CEP78: variants seen among roughly 807,000 people sequenced by gnomAD.
The protein encoded by CEP78 is centrosomal protein of 78 kDa.
A neutral mutation model predicts 81.2 loss-of-function variants in CEP78; 76 were observed. That is an observed-to-expected ratio of 0.94 (90% CI 0.78 to 1.13). CEP78 has a LOEUF of 1.13. Among genes scored for constraint, CEP78 ranks in the 50% most tolerant of loss-of-function variants. The probability of loss-of-function intolerance (pLI) is 0.00; values close to 1 mark genes in which losing one functional copy is unlikely to be tolerated. For missense variants in CEP78, 918 were observed against 846.8 expected (o/e 1.08, Z -1.04); for synonymous variants, 293 against 301.4 (o/e 0.97, Z 0.29).
intron 11 of CEP78, among the ~76,000 whole-genome samples, chr9:78,255,334 G>A (rs562901506): frequency 2.6e-4 from 40 of 152,080 alleles, no homozygotes; most frequent in Non-Finnish European, 5.6e-4. Context: ...TGTGTGCTAG[G>A]AAGTCCACAA....
intron 6 of CEP78, among the ~76,000 whole-genome samples, chr9:78,247,061 T>C (rs1005979820): frequency 5.3e-5 from 8 of 152,242 alleles, no homozygotes; most frequent in Admixed American, 6.5e-5. Flanking sequence ...TTCTTGGAAA[T>C]AGTATTTCAT....
chr9:78,262,454 C>CT (rs1458818098), intron 11 of CEP78, among the ~76,000 whole-genome samples: 1 of 152,076 alleles, frequency 6.6e-6, no homozygotes, highest in Non-Finnish European at 1.5e-5. Context: ...TCCATCATGT[C>CT]TAATTCCTTT....
In CEP78 at chr9:78,262,935, TAAAG is replaced by T. The variant is rs1362164469; in HGVS notation, c.1410_1413del (p.Glu472LysfsTer3). 1 of 1,544,906 alleles carries T rather than the reference TAAAG, an allele frequency of 6.5e-7. No individual in the cohort carries two copies. Among genetic ancestry groups the T allele is most frequent in the South Asian group, 1.2e-5 (1 of 83,158 alleles). ...AAACTGGAGGAGTGCCTAAAGCAGT[TAAAG>T]GAAGAAAGAGTGATAAGGCTTAAGG... is the stretch of plus-strand genomic sequence containing the variant. On this transcript the variant is annotated frameshift_variant, in exon 12 of 17. Coordinates refer to ENST00000643273, the MANE Select transcript of CEP78 (RefSeq NM_001330691.3). LOFTEE classifies it high-confidence loss of function.
rs1271908163 is a variant in CEP78 at position 78,245,877 on chromosome 9, AAACT to A, written c.779-788_779-785del. Among the ~76,000 whole-genome samples the A allele has an allele frequency of 1.3e-4, 20 of 152,226 alleles. No individual in the cohort carries two copies. In the East Asian group the frequency reaches 3.5e-3, roughly 26 times the overall value. On this transcript the variant is annotated intron_variant, in intron 5 of 16. Transcript: ENST00000643273. ...TTCTTTCTTTGTCATTTTTATTCTAAAACTAACAGTTTACATTTTTGTATTTTCT... is the reference window on the plus strand; with the variant it reads ...TTCTTTCTTTGTCATTTTTATTCTAAAACAGTTTACATTTTTGTATTTTCT...
chr9:78,278,071 ATTGACAGCGGT>A lies in CEP78; in HGVS notation c.*7223_*7233del, dbSNP rs1265976440. 1 of 152,154 alleles carries A rather than the reference ATTGACAGCGGT, an allele frequency of 6.6e-6. No homozygotes were observed. Among genetic ancestry groups the A allele is most frequent in the Non-Finnish European group, 1.5e-5 (1 of 68,020 alleles). The allele number at this position is 152,154 out of a possible 1,614,324, so 9.4% of individuals were successfully genotyped here. The stretch of plus-strand genomic sequence containing the variant: ...AGTCTGTGATAACACATATCAAGCT[ATTGACAGCGGT>A]TTTGTCTGCTGAAGGAGGAAAAAAG... On this transcript the variant is annotated 3_prime_UTR_variant, in exon 17 of 17. Coordinates refer to ENST00000643273, the MANE Select transcript of CEP78 (RefSeq NM_001330691.3).
chr9:78,242,869 C>T (rs1826299815), intron 4 of CEP78, among the ~76,000 whole-genome samples: 3 of 152,074 alleles, frequency 2.0e-5, no homozygotes, highest in Admixed American at 2.0e-4. Context: ...TATTCTAGGC[C>T]TCTAAATTTG....
At position 78,236,210 on chromosome 9, in the gene CEP78, A is replaced by G. The variant is rs1188463210; in HGVS notation, c.-141A>G. The G allele has an allele frequency of 1.7e-5, 12 of 720,992 alleles. No homozygotes were observed. In the East Asian group the frequency reaches 3.6e-4, roughly 22 times the overall value. 44.7% of individuals were successfully genotyped at this position (720,992 alleles called of 1,614,324 possible). A position where few individuals can be genotyped will look rare whatever the true frequency, so the allele number is the denominator to read the frequency against. On this transcript the variant is annotated 5_prime_UTR_variant, in exon 1 of 17. Transcript: ENST00000643273. ...CTCTGGCCTTGCGTCTTCCGACCGA[A>G]TCACCGCTCCTGAGCCCGGTGCGGG...
In CEP78 at chr9:78,276,844, T is replaced by C. The variant is rs1827814928; in HGVS notation, c.*5993T>C. 6.6e-6 allele frequency: 1 copy of C among 152,306 alleles called. No homozygotes were observed. The highest frequency in any genetic ancestry group is 2.1e-4 in the South Asian group (1 of 4,826). 9.4% of individuals were successfully genotyped at this position (152,306 alleles called of 1,614,324 possible). ...TAGTTCTACCAAATTAATTTATAAA[T>C]TCAAAGCAATTTCATATAACCACAG... On this transcript the variant is annotated 3_prime_UTR_variant, in exon 17 of 17. Coordinates refer to ENST00000643273, the MANE Select transcript of CEP78 (RefSeq NM_001330691.3).
At chr9:78,266,839 G>C in intron 16 of CEP78, 136 bp downstream of exon 16, 1 of 1,452,766 alleles carries the variant, frequency 6.9e-7, no homozygotes, top group South Asian at 1.5e-5. Flanking sequence ...ATTAAAAGTA[G>C]GTCTTTGAAA....
In CEP78 at chr9:78,271,860, A is replaced by G. The variant is rs1827696149; in HGVS notation, c.*1009A>G. 6.6e-6 allele frequency: 1 copy of G among 151,962 alleles called. No homozygotes were observed. The highest frequency in any genetic ancestry group is 1.5e-5 in the Non-Finnish European group (1 of 68,008). 9.4% of individuals were successfully genotyped at this position (151,962 alleles called of 1,614,324 possible). On this transcript the variant is annotated 3_prime_UTR_variant, in exon 17 of 17. Transcript: ENST00000643273. Reference sequence around the variant, plus strand: ...CAATGTACCACCATGCCGAAGTTTTAAAAAATTATTGTAGAGTTGGGTTCT... The same window carrying G: ...CAATGTACCACCATGCCGAAGTTTTGAAAAATTATTGTAGAGTTGGGTTCT...
rs143138211 is a variant in CEP78 at position 78,239,727 on chromosome 9, C to T, written c.254-296C>T. On this transcript the variant is annotated intron_variant, in intron 1 of 16. Transcript: ENST00000643273. ...TGTCAGGCTTAGATGCCTTTGCTCTCGCTGCTCCCTCTGGTTAATGCATCA... is the reference window on the plus strand; with the variant it reads ...TGTCAGGCTTAGATGCCTTTGCTCTTGCTGCTCCCTCTGGTTAATGCATCA... Among the ~76,000 whole-genome samples the T allele has an allele frequency of 1.9e-3, 287 of 152,302 alleles. 2 individuals carry two copies. Among genetic ancestry groups the T allele is most frequent in the African/African-American group, 6.3e-3 (262 of 41,574 alleles).
At chr9:78,256,076 T>G (rs1827007836) in intron 11 of CEP78, among the ~76,000 whole-genome samples, 2 of 152,194 alleles carry the variant, frequency 1.3e-5, no homozygotes, top group Admixed American at 6.5e-5. Flanking sequence ...ATCAAGATAA[T>G]TGAAGAGATT....
chr9:78,246,649 C>T lies in CEP78; in HGVS notation c.779-20C>T. On this transcript the variant is annotated intron_variant, in intron 5 of 16. Coordinates refer to ENST00000643273, the MANE Select transcript of CEP78 (RefSeq NM_001330691.3). ...AATCTGTATAGAATTAGCAAGTGAC[C>T]CTTTGTCTTTCATCGAAAGCTCTTG... 1.4e-6 allele frequency: 2 copies of T among 1,476,082 alleles called. No homozygotes were observed. Among genetic ancestry groups the T allele is most frequent in the Non-Finnish European group, 1.9e-6 (2 of 1,076,884 alleles). 91.4% of individuals were successfully genotyped at this position (1,476,082 alleles called of 1,614,324 possible). A position where few individuals can be genotyped will look rare whatever the true frequency, so the allele number is the denominator to read the frequency against.
rs760446740 is a variant in CEP78 at position 78,248,375 on chromosome 9, T to C, written c.957+20T>C. On this transcript the variant is annotated intron_variant, in intron 7 of 16. Coordinates refer to ENST00000643273, the MANE Select transcript of CEP78 (RefSeq NM_001330691.3). The stretch of plus-strand genomic sequence containing the variant: ...TCAGAGGTATATCATGTTTTATTTC[T>C]CCAGAAAGAATTCTTATTTAATTGC... 1.1e-5 allele frequency: 17 copies of C among 1,496,660 alleles called. 1 individual carries two copies. The South Asian group carries it at 1.8e-4, about 16-fold the overall frequency. 92.7% of individuals were successfully genotyped at this position (1,496,660 alleles called of 1,614,324 possible). A position where few individuals can be genotyped will look rare whatever the true frequency, so the allele number is the denominator to read the frequency against.
At chr9:78,236,687 T>C (rs1825959467) in intron 1 of CEP78, 84 bp downstream of exon 1, 3 of 1,473,506 alleles carry the variant, frequency 2.0e-6, no homozygotes, top group Admixed American at 2.7e-5. Context: ...TCGGGGTATG[T>C]GTGCAATAGA....
In CEP78 at chr9:78,251,889, T is replaced by C; in HGVS notation, c.1070-19T>C. On this transcript the variant is annotated intron_variant, in intron 8 of 16. Transcript: ENST00000643273. ...CTTTAGTGCATCTTGATTCTTTCTT[T>C]TTAACACTTCTCAAGTAGGATTGGC... 6.3e-7 allele frequency: 1 copy of C among 1,597,260 alleles called. No homozygotes were observed. The highest frequency in any genetic ancestry group is 8.6e-7 in the Non-Finnish European group (1 of 1,168,076).
intron 9 of CEP78, among the ~76,000 whole-genome samples, chr9:78,252,836 A>G (rs1187284509): frequency 1.3e-5 from 2 of 152,220 alleles, no homozygotes; most frequent in African/African-American, 4.8e-5. Flanking sequence ...TGCATAAACT[A>G]TAGTGCTGAG....
chr9:78,259,615 A>T (rs1389983184), intron 11 of CEP78, among the ~76,000 whole-genome samples: 1 of 152,278 alleles, frequency 6.6e-6, no homozygotes, highest in East Asian at 1.9e-4. Flanking sequence ...TGCGTTGATC[A>T]TATTTTGTAC....
chr9:78,245,157 CAGTT>C (rs926594531), intron 5 of CEP78, among the ~76,000 whole-genome samples: 2 of 151,696 alleles, frequency 1.3e-5, no homozygotes, highest in African/African-American at 4.8e-5. Context: ...GTGTCTTAGT[CAGTT>C]AGGGCTTCAT....
Sources: gnomAD v4.1 joint callset for allele counts (sites outside exome capture counted in the v4.1 genomes callset) on GRCh38, gnomAD v4.1.1 for gene constraint, MANE v1.5 for transcripts, NCBI Gene and HGNC (gene_info 2026-07-23, HGNC 2026-07-21) for gene names.